Variants in GPC5 observed in about 807,000 individuals in gnomAD.
GPC5 encodes the protein glypican-5.
GPC5 carries 47 observed loss-of-function variants against 53.9 expected under a neutral mutation model. That is an observed-to-expected ratio of 0.87 (90% CI 0.69 to 1.11). GPC5 has a LOEUF of 1.11. GPC5 is among the 50% of genes most tolerant of loss of function. The pLI is 0.00. For synonymous variants in GPC5, 286 were observed against 263.3 expected (o/e 1.09, Z -0.84); for missense variants, 748 against 713.1 (o/e 1.05, Z -0.56).
chr13:92,857,170 T>C (rs1014291259), intron 7 of GPC5, among the ~76,000 whole-genome samples: 1 of 151,878 alleles, frequency 6.6e-6, no homozygotes, highest in Non-Finnish European at 1.5e-5. Flanking sequence ...GCAGCACACA[T>C]AGAAAGAACT....
intron 5 of GPC5, among the ~76,000 whole-genome samples, chr13:91,843,909 A>G (rs1449526462): frequency 6.6e-6 from 1 of 152,216 alleles, no homozygotes; most frequent in Admixed American, 6.5e-5. Context: ...GTGAACACCA[A>G]GCCTTCAAGG....
intron 7 of GPC5, among the ~76,000 whole-genome samples, chr13:92,513,483 T>TTAA (rs60939622): frequency 6.7e-6 from 1 of 148,694 alleles, no homozygotes; most frequent in East Asian, 2.0e-4. Flanking sequence ...TTTTTTTTTT[T>TTAA]AATTAAGGCA....
intron 7 of GPC5, among the ~76,000 whole-genome samples, chr13:92,227,486 G>A (rs1466577590): frequency 6.6e-6 from 1 of 152,258 alleles, no homozygotes; most frequent in Non-Finnish European, 1.5e-5. Flanking sequence ...CGTCAAGGGT[G>A]TGTCATTATC....
At chr13:92,109,063 T>G (rs1028633758) in intron 6 of GPC5, among the ~76,000 whole-genome samples, 3 of 123,786 alleles carry the variant, frequency 2.4e-5, no homozygotes, top group African/African-American at 3.6e-5. Context: ...ATATGTTGGT[T>G]TTTTTTTTTT....
intron 6 of GPC5, among the ~76,000 whole-genome samples, chr13:92,066,676 T>C (rs2041170317): frequency 6.6e-6 from 1 of 152,024 alleles, no homozygotes; most frequent in Non-Finnish European, 1.5e-5. Flanking sequence ...ACTGAGAAAA[T>C]TGCAGACATA....
chr13:92,314,009 CA>C (rs1462247323), intron 7 of GPC5, among the ~76,000 whole-genome samples: 5 of 152,124 alleles, frequency 3.3e-5, no homozygotes, highest in African/African-American at 1.2e-4. Context: ...CCAATTACTT[CA>C]AAACACTAAT....
At chr13:92,143,898 C>G (rs1186170939) in intron 6 of GPC5, among the ~76,000 whole-genome samples, 1 of 152,024 alleles carries the variant, frequency 6.6e-6, no homozygotes, top group Non-Finnish European at 1.5e-5. Flanking sequence ...TCATAAAGTG[C>G]TGTGAAAATT....
At chr13:91,948,044 C>T (rs1247403570) in intron 6 of GPC5, among the ~76,000 whole-genome samples, 8 of 151,706 alleles carry the variant, frequency 5.3e-5, no homozygotes, top group African/African-American at 1.9e-4. Flanking sequence ...CTGGCTAACA[C>T]GGTGAAACCC....
intron 7 of GPC5, among the ~76,000 whole-genome samples, chr13:92,245,100 G>T (rs541633345): frequency 2.6e-5 from 4 of 151,458 alleles, no homozygotes; most frequent in Admixed American, 2.6e-4. Flanking sequence ...CACTCTCCCA[G>T]GCTGCTGGGA....
intron 7 of GPC5, among the ~76,000 whole-genome samples, chr13:92,256,531 G>A (rs1276753268): frequency 6.6e-6 from 1 of 151,934 alleles, no homozygotes; most frequent in Non-Finnish European, 1.5e-5. Flanking sequence ...TTACTTTAGA[G>A]CATTTTTGTA....
intron 7 of GPC5, among the ~76,000 whole-genome samples, chr13:92,385,622 TACAC>T (rs1383539882): frequency 7.1e-6 from 1 of 140,678 alleles, no homozygotes; most frequent in Non-Finnish European, 1.5e-5. Context: ...TACATATACA[TACAC>T]ATATATACAT....
At chr13:91,474,448 T>C (rs1338171357) in intron 2 of GPC5, among the ~76,000 whole-genome samples, 1 of 152,168 alleles carries the variant, frequency 6.6e-6, no homozygotes, top group African/African-American at 2.4e-5. Flanking sequence ...TAGGAGTATA[T>C]GATTATATGA....
At chr13:91,411,559 C>A (rs17643246) in intron 1 of GPC5, among the ~76,000 whole-genome samples, 8,249 of 152,218 alleles carry the variant, frequency 0.054, 331 homozygotes, top group Admixed American at 0.12. Context: ...TAGGTCTCAC[C>A]TTTATAGAGT....
chr13:91,918,361 T>A (rs896929175), intron 6 of GPC5, among the ~76,000 whole-genome samples: 2 of 152,196 alleles, frequency 1.3e-5, no homozygotes, highest in Non-Finnish European at 2.9e-5. Flanking sequence ...ATTTTACTAT[T>A]TTATGAGAAC....
intron 2 of GPC5, among the ~76,000 whole-genome samples, chr13:91,646,540 CAAAAT>C (rs1205263220): frequency 6.6e-6 from 1 of 151,780 alleles, no homozygotes; most frequent in Admixed American, 6.6e-5. Flanking sequence ...TTTTAAATGA[CAAAAT>C]GAAATAAAGA....
intron 7 of GPC5, among the ~76,000 whole-genome samples, chr13:92,744,080 C>A (rs548739390): frequency 6.6e-6 from 1 of 151,942 alleles, no homozygotes; most frequent in African/African-American, 2.4e-5. Flanking sequence ...ACCAAAAACC[C>A]AGGAAAGAGA....
At chr13:91,790,034 T>C (rs2037940089) in intron 5 of GPC5, among the ~76,000 whole-genome samples, 1 of 152,204 alleles carries the variant, frequency 6.6e-6, no homozygotes, top group South Asian at 2.1e-4. Flanking sequence ...TAATTCCTCT[T>C]AAAGACTTAA....
intron 7 of GPC5, among the ~76,000 whole-genome samples, chr13:92,646,590 A>C (rs1378032054): frequency 6.6e-6 from 1 of 152,094 alleles, no homozygotes; most frequent in East Asian, 1.9e-4. Flanking sequence ...TGAATTTATA[A>C]ATAAATTTGG....
At chr13:91,443,369 G>A (rs557016688) in intron 1 of GPC5, among the ~76,000 whole-genome samples, 12 of 152,292 alleles carry the variant, frequency 7.9e-5, no homozygotes, top group African/African-American at 2.9e-4. Flanking sequence ...AGAGAAGATG[G>A]TCAGATGCAA....
Sources: gnomAD v4.1 joint callset for allele counts (sites outside exome capture counted in the v4.1 genomes callset) on GRCh38, gnomAD v4.1.1 for gene constraint, MANE v1.5 for transcripts, NCBI Gene and HGNC (gene_info 2026-07-23, HGNC 2026-07-21) for gene names.